Variants in CDH9 observed in about 807,000 individuals in gnomAD.
CDH9 encodes cadherin 9, also known as cadherin-9.
Under a neutral mutation model 70.9 loss-of-function variants are expected in CDH9, and 28 were observed. That is an observed-to-expected ratio of 0.40 (90% CI 0.29 to 0.54). CDH9 has a LOEUF of 0.54. Among genes scored for constraint, CDH9 ranks in the 20% least tolerant of loss-of-function variants. CDH9 has a pLI of 0.59. For synonymous variants in CDH9, 409 were observed against 343.1 expected (o/e 1.19, Z -2.12); for missense variants, 874 against 984.4 (o/e 0.89, Z 1.50).
chr5:26,942,540 A>G (rs1277886223), intron 2 of CDH9, among the ~76,000 whole-genome samples: 2 of 152,182 alleles, frequency 1.3e-5, no homozygotes, highest in African/African-American at 4.8e-5. Flanking sequence ...TGCTTACAAC[A>G]GTTGCCTTAA....
chr5:26,988,126 CAGT>C lies in CDH9; in HGVS notation c.205_207del (p.Thr69del), dbSNP rs754091997. 1 of 1,611,644 alleles carries C rather than the reference CAGT, an allele frequency of 6.2e-7. No homozygotes were observed. The highest frequency in any genetic ancestry group is 8.5e-7 in the Non-Finnish European group (1 of 1,178,408). Reference sequence around the variant, plus strand: ...CTTACCTTGCCTACATATTGTGTGTCAGTACCTGTGTACTCTTCCAATAAGAAG... The same window carrying C: ...CTTACCTTGCCTACATATTGTGTGTCACCTGTGTACTCTTCCAATAAGAAG... On this transcript the variant is annotated inframe_deletion, in exon 2 of 12. Coordinates refer to ENST00000231021, the MANE Select transcript of CDH9 (RefSeq NM_016279.4).
In CDH9 at chr5:26,988,128, G is replaced by C. The variant is rs375977877; in HGVS notation, c.206C>G (p.Thr69Ser). The change falls in exon 2 of 12, where the codon ACT becomes AGT. Residue 69 changes from threonine to serine, a missense_variant. By Grantham distance (58) the Thr-to-Ser change is moderately conservative (BLOSUM62 1). Transcript: ENST00000231021. ...TACCTTGCCTACATATTGTGTGTCA[G>C]TACCTGTGTACTCTTCCAATAAGAA... ...QFFLLEEYTG[T>S]DTQYVGKLHT... The C allele has an allele frequency of 8.7e-6, 14 of 1,611,650 alleles. No individual in the cohort carries two copies. The African/African-American group carries it at 1.2e-4, about 14-fold the overall frequency.
chr5:26,910,363 C>G (rs1375676392), intron 3 of CDH9, among the ~76,000 whole-genome samples: 1 of 152,072 alleles, frequency 6.6e-6, no homozygotes, highest in East Asian at 1.9e-4. Context: ...GTTTTCTACA[C>G]ACAGATAGTA....
chr5:26,911,577 C>G (rs917846844), intron 3 of CDH9, among the ~76,000 whole-genome samples: 15 of 151,478 alleles, frequency 9.9e-5, no homozygotes, highest in Non-Finnish European at 1.9e-4. Flanking sequence ...CCCCAATCAC[C>G]AAATTTACAA....
chr5:26,945,860 G>C (rs548459658), intron 2 of CDH9, among the ~76,000 whole-genome samples: 1 of 152,102 alleles, frequency 6.6e-6, no homozygotes, highest in African/African-American at 2.4e-5. Context: ...TAATCAGCAG[G>C]CTTGCTATCC....
At chr5:26,996,855 T>G (rs547352704) in intron 1 of CDH9, among the ~76,000 whole-genome samples, 17 of 152,038 alleles carry the variant, frequency 1.1e-4, no homozygotes, top group African/African-American at 3.6e-4. Context: ...TGGCATGTAA[T>G]TTGGTATACT....
chr5:27,018,409 T>C (rs1157831007), intron 1 of CDH9, among the ~76,000 whole-genome samples: 1 of 151,806 alleles, frequency 6.6e-6, no homozygotes, highest in Non-Finnish European at 1.5e-5. Flanking sequence ...CCATATGTAA[T>C]TGTAATTGAA....
chr5:26,954,510 G>T (rs1189619651), intron 2 of CDH9, among the ~76,000 whole-genome samples: 1 of 147,586 alleles, frequency 6.8e-6, no homozygotes, highest in Non-Finnish European at 1.5e-5. Flanking sequence ...TCAGCCTCCC[G>T]AGTAGCTGGC....
intron 2 of CDH9, among the ~76,000 whole-genome samples, chr5:26,923,069 T>TAAAAAAAAAAAAAAAAAAAA (rs56883597): frequency 2.4e-4 from 23 of 95,022 alleles, no homozygotes; most frequent in Admixed American, 3.4e-4. Context: ...TTACATGAAT[T>TAAAAAAAAAAAAAAAAAAAA]AAAAAAAAAA....
At chr5:26,903,376 T>C (rs763402086) in intron 6 of CDH9, 48 of 562,608 alleles carry the variant, frequency 8.5e-5, no homozygotes, top group Non-Finnish European at 1.4e-4. Flanking sequence ...TATGGAGAAA[T>C]ACAAAACAAG....
At chr5:26,892,042 A>G (rs1438128954) in intron 7 of CDH9, among the ~76,000 whole-genome samples, 3 of 152,180 alleles carry the variant, frequency 2.0e-5, no homozygotes, top group Admixed American at 6.5e-5. Flanking sequence ...GCCCAGTGAG[A>G]CACATACTGA....
chr5:26,997,950 G>A (rs1162801942), intron 1 of CDH9, among the ~76,000 whole-genome samples: 7 of 151,970 alleles, frequency 4.6e-5, no homozygotes, highest in African/African-American at 9.7e-5. Flanking sequence ...TGCCCTCCTC[G>A]GCCTCCCAAA....
At chr5:26,934,299 C>T (rs746730296) in intron 2 of CDH9, among the ~76,000 whole-genome samples, 3 of 152,046 alleles carry the variant, frequency 2.0e-5, no homozygotes, top group Admixed American at 2.0e-4. Context: ...GACTCCATCT[C>T]TACAATAATT....
intron 3 of CDH9, among the ~76,000 whole-genome samples, chr5:26,913,482 C>T (rs980405832): frequency 6.6e-5 from 10 of 152,038 alleles, no homozygotes; most frequent in Admixed American, 1.3e-4. Flanking sequence ...ATACATCTGC[C>T]TGCTACTATA....
intron 2 of CDH9, among the ~76,000 whole-genome samples, chr5:26,921,839 G>A (rs1741249014): frequency 6.6e-6 from 1 of 151,968 alleles, no homozygotes; most frequent in African/African-American, 2.4e-5. Context: ...ACACAGAGAA[G>A]GAATTCAGAA....
rs140694456 is a variant in CDH9, at chr5:26,993,496, A to C, written c.-49-5114T>G. 1.3e-3 allele frequency among the ~76,000 whole-genome samples: 195 copies of C among 152,244 alleles called. 4 individuals are homozygous for C. The East Asian group carries it at 0.022, about 17-fold the overall frequency. ...GCTATTCATATTGCAAAAATGAGAA[A>C]GTATTTGAGAGTGAATACTAAAGAT... On this transcript the variant is annotated intron_variant, in intron 1 of 11. Transcript: ENST00000231021.
chr5:26,893,906 C>T (rs1740703655), intron 7 of CDH9, among the ~76,000 whole-genome samples: 1 of 152,058 alleles, frequency 6.6e-6, no homozygotes, highest in African/African-American at 2.4e-5. Flanking sequence ...AGGTTTCAAC[C>T]CTTTCACAAT....
At chr5:26,948,588 T>C (rs1345444292) in intron 2 of CDH9, among the ~76,000 whole-genome samples, 3 of 152,164 alleles carry the variant, frequency 2.0e-5, no homozygotes, top group African/African-American at 7.2e-5. Flanking sequence ...GAGAATGCAT[T>C]TACAAGTTTA....
At chr5:27,024,177 T>C (rs569607690) in intron 1 of CDH9, among the ~76,000 whole-genome samples, 1 of 152,152 alleles carries the variant, frequency 6.6e-6, no homozygotes, top group African/African-American at 2.4e-5. Context: ...CTAAGAACCA[T>C]GTTTTTCACA....
Sources: gnomAD v4.1 joint callset for allele counts (sites outside exome capture counted in the v4.1 genomes callset) on GRCh38, gnomAD v4.1.1 for gene constraint, MANE v1.5 for transcripts, NCBI Gene and HGNC (gene_info 2026-07-23, HGNC 2026-07-21) for gene names.